The following ARL8B variants were observed in gnomAD, a reference collection of about 807,000 sequenced individuals.
The protein encoded by ARL8B is ADP-ribosylation factor-like protein 8B.
ARL8B carries 9 observed loss-of-function variants against 30.6 expected under a neutral mutation model. The ratio of observed to expected loss-of-function variants is 0.29; its 90% CI spans 0.18 to 0.51. The LOEUF (loss-of-function observed/expected upper bound fraction) is 0.51, where lower values mean the gene tolerates loss of function less well. Among genes scored for constraint, ARL8B ranks in the 20% least tolerant of loss-of-function variants. The probability of loss-of-function intolerance (pLI) is 0.97; values close to 1 mark genes in which losing one functional copy is unlikely to be tolerated. For synonymous variants in ARL8B, 74 were observed against 76.0 expected, an observed-to-expected ratio of 0.97 and a Z score of 0.14; for missense variants, 130 against 227.2, an observed-to-expected ratio of 0.57 and a Z score of 2.75.
At chr3:5,147,532 G>A (rs750361561) in intron 1 of ARL8B, among the ~76,000 whole-genome samples, 7 of 151,936 alleles carry the variant, frequency 4.6e-5, no homozygotes, top group African/African-American at 7.3e-5. Context: ...TTTTTCCTGC[G>A]TTTCCCTTCT....
intron 1 of ARL8B, among the ~76,000 whole-genome samples, chr3:5,142,590 C>T (rs1315837615): frequency 6.6e-6 from 1 of 152,126 alleles, no homozygotes. Flanking sequence ...TCCATTTGAC[C>T]CAGGCGTTTA....
At chr3:5,123,472 G>C (rs1034958641) in intron 1 of ARL8B, among the ~76,000 whole-genome samples, 2 of 152,304 alleles carry the variant, frequency 1.3e-5, no homozygotes, top group South Asian at 2.1e-4. Flanking sequence ...TTGTTTGGTT[G>C]GTTGGGAAAT....
intron 5 of ARL8B, 44 bp from the exon 6 acceptor site, chr3:5,174,300 C>T (rs748202948): frequency 3.3e-5 from 44 of 1,321,982 alleles, no homozygotes; most frequent in Non-Finnish European, 4.6e-5. Context: ...ATAAGTATGA[C>T]AGCTGTTCTA....
At position 5,156,251 on chromosome 3, in the gene ARL8B, A is replaced by AT. The variant is rs202031948; in HGVS notation, c.124-14244dup. Reference sequence around the variant, plus strand: ...CCTCAGGGTCAGTTTCTGTTGGTTAATTTTTTTTCCTTTGAATGGACCATA... The same window carrying AT: ...CCTCAGGGTCAGTTTCTGTTGGTTAATTTTTTTTTCCTTTGAATGGACCATA... On this transcript the variant is annotated intron_variant, in intron 1 of 6. Transcript: ENST00000256496. Among the ~76,000 whole-genome samples the AT allele has an allele frequency of 4.6e-5, 7 of 151,616 alleles. No individual in the cohort carries two copies. The East Asian group carries it at 1.4e-3, about 29-fold the overall frequency.
chr3:5,170,876 T>C (rs993621034), intron 2 of ARL8B: 2 of 231,980 alleles, frequency 8.6e-6, no homozygotes, highest in Admixed American at 5.8e-5. Flanking sequence ...GATGACAGGC[T>C]TGTGCCACCA....
At chr3:5,157,095 C>T (rs1449721863) in intron 1 of ARL8B, 1 of 152,178 alleles carries the variant, frequency 6.6e-6, no homozygotes, top group Non-Finnish European at 1.5e-5. Context: ...CCACAAGATC[C>T]AACCCACCTT....
At chr3:5,133,101 G>GA (rs34287764) in intron 1 of ARL8B, among the ~76,000 whole-genome samples, 58,622 of 151,984 alleles carry the variant, frequency 0.39, 12,059 homozygotes, top group African/African-American at 0.55. Flanking sequence ...ATCATGTGGG[G>GA]AAAAAAGATA....
At chr3:5,137,470 C>T (rs1413403875) in intron 1 of ARL8B, among the ~76,000 whole-genome samples, 2 of 143,488 alleles carry the variant, frequency 1.4e-5, no homozygotes, top group East Asian at 2.0e-4. Context: ...TGGAGTCTCA[C>T]TCTATCACCC....
intron 1 of ARL8B, among the ~76,000 whole-genome samples, chr3:5,158,303 G>C (rs1290470310): frequency 6.6e-6 from 1 of 152,118 alleles, no homozygotes; most frequent in Non-Finnish European, 1.5e-5. Context: ...ATTCTGTCCA[G>C]GGTTTTAGTT....
At chr3:5,161,485 G>T (rs2054580002) in intron 1 of ARL8B, among the ~76,000 whole-genome samples, 1 of 152,200 alleles carries the variant, frequency 6.6e-6, no homozygotes. Flanking sequence ...GTTTGAGTGG[G>T]TCTGTTTGTT....
chr3:5,174,331 A>T lies in ARL8B; in HGVS notation c.441-13A>T, dbSNP rs764851684. On this transcript the variant is annotated splice_polypyrimidine_tract_variant and intron_variant, in intron 5 of 6. Coordinates refer to ENST00000256496, the MANE Select transcript of ARL8B (RefSeq NM_018184.3). ...TTCTAAGCACAGACTTATCCTTTTAATTCTTCTCATAGGAATCTGTCTGCT... is the reference window on the plus strand; with the variant it reads ...TTCTAAGCACAGACTTATCCTTTTATTTCTTCTCATAGGAATCTGTCTGCT... 1.9e-6 allele frequency: 3 copies of T among 1,577,654 alleles called. No individual in the cohort carries two copies. Among genetic ancestry groups the T allele is most frequent in the Non-Finnish European group, 2.6e-6 (3 of 1,147,428 alleles).
intron 1 of ARL8B, among the ~76,000 whole-genome samples, chr3:5,162,899 C>A (rs1167023885): frequency 1.3e-5 from 2 of 151,944 alleles, no homozygotes; most frequent in African/African-American, 4.8e-5. Flanking sequence ...GATAGTTTTT[C>A]AGTCCTTACT....
chr3:5,164,598 T>C (rs1423774400), intron 1 of ARL8B, among the ~76,000 whole-genome samples: 1 of 152,222 alleles, frequency 6.6e-6, no homozygotes, highest in Non-Finnish European at 1.5e-5. Context: ...GTGAGGCCCT[T>C]GTTTTCTAAG....
At chr3:5,162,266 A>G (rs1461880078) in intron 1 of ARL8B, among the ~76,000 whole-genome samples, 1 of 152,232 alleles carries the variant, frequency 6.6e-6, no homozygotes, top group African/African-American at 2.4e-5. Context: ...AATGTCACTC[A>G]TTGACCTCAG....
chr3:5,158,814 G>C (rs1025950353), intron 1 of ARL8B, among the ~76,000 whole-genome samples: 5 of 151,274 alleles, frequency 3.3e-5, no homozygotes, highest in African/African-American at 9.9e-5. Context: ...CATTTTATTA[G>C]TCCCTTGATT....
intron 1 of ARL8B, among the ~76,000 whole-genome samples, chr3:5,130,648 C>T (rs753736980): frequency 3.6e-4 from 55 of 152,076 alleles, no homozygotes; most frequent in African/African-American, 1.2e-3. Flanking sequence ...ATTCTCCTGC[C>T]TCAGCCTCTC....
intron 6 of ARL8B, among the ~76,000 whole-genome samples, chr3:5,176,759 A>T (rs926187392): frequency 6.6e-6 from 1 of 152,186 alleles, no homozygotes; most frequent in Non-Finnish European, 1.5e-5. Flanking sequence ...TTTTTTCTCT[A>T]TGTGGCGGGG....
intron 1 of ARL8B, among the ~76,000 whole-genome samples, chr3:5,148,094 C>T (rs1165269840): frequency 6.6e-6 from 1 of 151,928 alleles, no homozygotes; most frequent in East Asian, 1.9e-4. Flanking sequence ...TGGCTGCTCT[C>T]TTAATCATTC....
intron 1 of ARL8B, among the ~76,000 whole-genome samples, chr3:5,129,730 T>A (rs1468959955): frequency 6.6e-6 from 1 of 151,774 alleles, no homozygotes; most frequent in Non-Finnish European, 1.5e-5. Context: ...TAAACAAGAT[T>A]TTTGCTGCTG....
Sources: allele counts gnomAD v4.1 joint callset (sites outside exome capture counted in the v4.1 genomes callset), GRCh38; gene constraint gnomAD v4.1.1; transcripts MANE v1.5; gene names NCBI Gene and HGNC (gene_info 2026-07-23, HGNC 2026-07-21).